Variants in MROH1 observed in about 807,000 individuals in gnomAD.
MROH1 encodes the protein maestro heat like repeat family member 1, also known as maestro heat-like repeat-containing protein family member 1.
A neutral mutation model predicts 116.5 loss-of-function variants in MROH1; 117 were observed. That is an observed-to-expected ratio of 1.00 (90% CI 0.86 to 1.17). MROH1 has a LOEUF of 1.17. Ranked by LOEUF, MROH1 falls within the 50% of genes most tolerant of loss-of-function variation. The probability of loss-of-function intolerance (pLI) is 0.00; values close to 1 mark genes in which losing one functional copy is unlikely to be tolerated. For missense variants in MROH1, 1,873 were observed against 1,338.5 expected (o/e 1.40, Z -6.23); for synonymous variants, 921 against 583.9 (o/e 1.58, Z -8.32).
Position 144,180,535 on chromosome 8 carries a change from C to A in MROH1, c.562+12C>A, listed in dbSNP as rs1456706366. On this transcript the variant is annotated intron_variant, in intron 7 of 43. Transcript: ENST00000326134. This position sits in a 1 kb window ranked among gnomAD's most constrained non-coding sequence, Gnocchi z 7.4. ...GGCCTTCTGCTCCGGTAAGAGGCGG[C>A]CTCGTCACCTTCTGTCTCAAGTGCC... The A allele has an allele frequency of 3.1e-6, 5 of 1,605,792 alleles. No individual in the cohort carries two copies. The highest frequency in any genetic ancestry group is 8.5e-7 in the Non-Finnish European group (1 of 1,178,696).
At chr8:144,221,047 G>A (rs950017535) in intron 13 of MROH1, among the ~76,000 whole-genome samples, 1 of 152,202 alleles carries the variant, frequency 6.6e-6, no homozygotes, top group South Asian at 2.1e-4. Context: ...ACAGAATCCA[G>A]GAGGGCCCAC....
At chr8:144,159,290 G>A (rs1287963734) in intron 1 of MROH1, among the ~76,000 whole-genome samples, 2 of 152,156 alleles carry the variant, frequency 1.3e-5, no homozygotes, top group Non-Finnish European at 2.9e-5. Flanking sequence ...CCCGGAAGGC[G>A]GAGGTTGTAG....
intron 7 of MROH1, among the ~76,000 whole-genome samples, chr8:144,187,889 C>T (rs771809392): frequency 6.6e-6 from 1 of 151,948 alleles, no homozygotes; most frequent in Non-Finnish European, 1.5e-5. Context: ...GATGGCTACA[C>T]GGGAGCCAGG....
At chr8:144,174,874 C>A (rs1195400707) in intron 4 of MROH1, 2 of 985,376 alleles carry the variant, frequency 2.0e-6, no homozygotes, top group Non-Finnish European at 2.4e-6. Flanking sequence ...CTTGCTGAGT[C>A]AGCCTGTCAC....
At chr8:144,177,410 A>G (rs1457290856) in intron 4 of MROH1, among the ~76,000 whole-genome samples, 4 of 152,180 alleles carry the variant, frequency 2.6e-5, no homozygotes, top group Non-Finnish European at 4.4e-5. Flanking sequence ...CAAAACCAAG[A>G]CTTTCACGAA....
intron 31 of MROH1, 24 bp downstream of exon 31, chr8:144,247,703 C>T (rs1325637693): frequency 1.6e-5 from 12 of 741,298 alleles, no homozygotes; most frequent in South Asian, 7.1e-5. Flanking sequence ...GCTCTGCGGC[C>T]GGAAGGCAGG....
In MROH1 at chr8:144,260,257, C is replaced by T. The variant is rs1021860451; in HGVS notation, c.4263C>T (p.Ser1421=). The part of the protein sequence containing the change: ...GGLDDGDNPH[S]PVALEAMLGL... ...TGGACGACGGGGACAACCCTCACAGCCCAGTGGCCCTGGAGGCCATGCTGG... is the reference window on the plus strand; with the variant it reads ...TGGACGACGGGGACAACCCTCACAGTCCAGTGGCCCTGGAGGCCATGCTGG... The change falls in exon 39 of 44, where the codon AGC becomes AGT. Residue 1421 remains serine (S), a synonymous_variant. Transcript: ENST00000326134. The T allele has an allele frequency of 1.2e-5, 9 of 766,268 alleles. No individual in the cohort carries two copies. The African/African-American group carries it at 1.5e-4, about 13-fold the overall frequency. 47.5% of individuals were successfully genotyped at this position (766,268 alleles called of 1,614,324 possible).
chr8:144,180,091 G>A lies in MROH1; in HGVS notation c.301-87G>A, dbSNP rs904045703. 2 of 1,524,490 alleles carry A rather than the reference G, an allele frequency of 1.3e-6. No individual in the cohort carries two copies. The highest frequency in any genetic ancestry group is 2.7e-5 in the African/African-American group (2 of 73,374). The allele number at this position is 1,524,490 out of a possible 1,614,324, so 94.4% of individuals were successfully genotyped here. A position where few individuals can be genotyped will look rare whatever the true frequency, so the allele number is the denominator to read the frequency against. On this transcript the variant is annotated intron_variant, in intron 5 of 43. Coordinates refer to ENST00000326134, the MANE Select transcript of MROH1 (RefSeq NM_032450.3). This position sits in a 1 kb window ranked among gnomAD's most constrained non-coding sequence, Gnocchi z 7.4. ...GCACTTTCTGGGGACGCTGAAAACA[G>A]CGTGCGCTTGTCCAAGGCTGGCAGC...
intron 11 of MROH1, among the ~76,000 whole-genome samples, chr8:144,199,547 G>A (rs139150528): frequency 1.1e-3 from 163 of 152,130 alleles, no homozygotes; most frequent in African/African-American, 3.9e-3. Context: ...GCTCCCCCAG[G>A]GGGCCTGTGG....
At chr8:144,173,691 G>C (rs1314730494) in intron 4 of MROH1, among the ~76,000 whole-genome samples, 1 of 152,170 alleles carries the variant, frequency 6.6e-6, no homozygotes, top group African/African-American at 2.4e-5. Flanking sequence ...CCAAAGTGCT[G>C]GGATGACAGG....
chr8:144,205,424 T>C (rs1832601369), intron 12 of MROH1, among the ~76,000 whole-genome samples: 1 of 152,142 alleles, frequency 6.6e-6, no homozygotes, highest in Admixed American at 6.6e-5. Context: ...GACTATCTGA[T>C]TTGACTGGGA....
Position 144,245,221 on chromosome 8 carries a change from C to T in MROH1, c.2832C>T (p.Ala944=). Residue 944 remains alanine (A), a synonymous_variant, in exon 29 of 44, where the codon GCC becomes GCT. Transcript: ENST00000326134. ...GGGCGCGGGCCCTGGGCCTGAGCGCCCTCCTGCTGCGCTACTTCCTGGAGC... is the reference window on the plus strand; with the variant it reads ...GGGCGCGGGCCCTGGGCCTGAGCGCTCTCCTGCTGCGCTACTTCCTGGAGC... The part of the protein sequence containing the change: ...HERARALGLS[A]LLLRYFLEHL... 3.9e-6 allele frequency: 3 copies of T among 779,088 alleles called. No homozygotes were observed. The highest frequency in any genetic ancestry group is 2.7e-5 in the South Asian group (2 of 74,568). 48.3% of individuals were successfully genotyped at this position (779,088 alleles called of 1,614,324 possible). A position where few individuals can be genotyped will look rare whatever the true frequency, so the allele number is the denominator to read the frequency against.
chr8:144,164,596 T>C (rs1172099109), intron 3 of MROH1, among the ~76,000 whole-genome samples: 1 of 151,772 alleles, frequency 6.6e-6, no homozygotes, highest in East Asian at 2.0e-4. Flanking sequence ...TGAGATTTTG[T>C]CATGTTGGCC....
intron 32 of MROH1, 53 bp downstream of exon 32, chr8:144,249,082 C>T (rs966641687): frequency 2.3e-5 from 16 of 704,686 alleles, no homozygotes; most frequent in Middle Eastern, 7.1e-4. Flanking sequence ...GGAGAGGGCG[C>T]GGTGGGACGG....
rs1844429656 is a variant in MROH1, at chr8:144,258,883, G to C, written c.3898G>C (p.Gly1300Arg). The change falls in exon 36 of 44, where the codon GGG becomes CGG. Residue 1300 changes from glycine (G) to arginine (R), a missense_variant. Physicochemically the swap from Gly to Arg is moderately radical, Grantham distance 125 (BLOSUM62 -2). Coordinates refer to ENST00000326134, the MANE Select transcript of MROH1 (RefSeq NM_032450.3). Reference sequence around the variant, plus strand: ...CTGGGAACTGCTCAGGACCTCGGCGGGGCATGAGGAGGGGGCCACCAGGTT... The same window carrying C: ...CTGGGAACTGCTCAGGACCTCGGCGCGGCATGAGGAGGGGGCCACCAGGTT... ...GGWELLRTSA[G>R]HEEGATRLAR... The C allele has an allele frequency of 1.3e-6, 1 of 763,688 alleles. No homozygotes were observed. The highest frequency in any genetic ancestry group is 2.4e-6 in the Non-Finnish European group (1 of 411,540). 47.3% of individuals were successfully genotyped at this position (763,688 alleles called of 1,614,324 possible).
chr8:144,205,624 C>A (rs56089308), intron 12 of MROH1, among the ~76,000 whole-genome samples: 68,085 of 151,570 alleles, frequency 0.45, 15,538 homozygotes, highest in South Asian at 0.52. Flanking sequence ...GAGTTGATTT[C>A]CCCCCCAGGT....
intron 14 of MROH1, among the ~76,000 whole-genome samples, chr8:144,227,907 C>T (rs1376191841): frequency 6.6e-6 from 1 of 151,822 alleles, no homozygotes; most frequent in Non-Finnish European, 1.5e-5. Flanking sequence ...GAGCTGTGAT[C>T]ACACCACTGC....
intron 4 of MROH1, among the ~76,000 whole-genome samples, chr8:144,176,920 G>A (rs539559729): frequency 1.4e-4 from 22 of 152,144 alleles, no homozygotes; most frequent in Non-Finnish European, 2.5e-4. Flanking sequence ...ATGTGTAGCC[G>A]GTGGGTGGAG....
intron 4 of MROH1, among the ~76,000 whole-genome samples, chr8:144,175,922 G>A (rs375897049): frequency 2.6e-5 from 4 of 152,144 alleles, no homozygotes; most frequent in Admixed American, 2.6e-4. Context: ...GGTGGCACGC[G>A]CCTGTAGTTC....
Sources: gnomAD v4.1 joint callset for allele counts (sites outside exome capture counted in the v4.1 genomes callset) on GRCh38, gnomAD v4.1.1 for gene constraint, Gnocchi (gnomAD v3.1) non-coding constraint, MANE v1.5 for transcripts, NCBI Gene and HGNC (gene_info 2026-07-23, HGNC 2026-07-21) for gene names.